The following DNAH2 variants were observed in gnomAD, a reference collection of about 807,000 sequenced individuals.
The protein encoded by DNAH2 is axonemal beta dynein heavy chain 2.
A neutral mutation model predicts 523.5 loss-of-function variants in DNAH2; 323 were observed. The ratio of observed to expected loss-of-function variants is 0.62; its 90% CI spans 0.56 to 0.68. The LOEUF (loss-of-function observed/expected upper bound fraction) is 0.68. Among genes scored for constraint, DNAH2 ranks in the 30% least tolerant of loss-of-function variants. DNAH2 has a pLI of 0.00. For synonymous variants in DNAH2, 2,093 were observed against 2,177.4 expected, an observed-to-expected ratio of 0.96 and a Z score of 1.08; for missense variants, 4,907 against 5,701.5, an observed-to-expected ratio of 0.86 and a Z score of 4.49.
intron 57 of DNAH2, 77 bp from the exon 58 acceptor site, chr17:7,801,801 C>A: frequency 6.2e-7 from 1 of 1,609,588 alleles, no homozygotes; most frequent in Non-Finnish European, 8.5e-7. Context: ...TCTCTCCTTC[C>A]CGCCTCTCAT....
Position 7,796,661 on chromosome 17 carries a change from C to T in DNAH2, c.7863+9C>T, listed in dbSNP as rs773414608. 1.8e-5 allele frequency: 29 copies of T among 1,607,222 alleles called. No homozygotes were observed. Among genetic ancestry groups the T allele is most frequent in the East Asian group, 1.3e-4 (6 of 44,640 alleles). Reference sequence around the variant, plus strand: ...TTCGAGACATCTCCAAGGTGACTCGCGGCCTGACCTTGCCCCTTCTGCTTG... The same window carrying T: ...TTCGAGACATCTCCAAGGTGACTCGTGGCCTGACCTTGCCCCTTCTGCTTG... On this transcript the variant is annotated intron_variant, in intron 50 of 85. Transcript: ENST00000572933.
rs1293379611 is a variant in DNAH2, at chr17:7,770,253, C to T, written c.3943C>T (p.His1315Tyr). ...DLRNPALRER[H>Y]WDQVRDEIQR... is the part of the protein sequence containing the mutation. ...ACACCCTCCTGTTCCTGGCTGCAGG[C>T]ACTGGGACCAGGTCCGGGATGAGAT... The change falls in exon 25 of 86, where the codon CAC becomes TAC. Residue 1315 changes from histidine (H) to tyrosine (Y), a missense_variant and splice_region_variant. By Grantham distance (83) the His-to-Tyr change is moderately conservative. Coordinates refer to ENST00000572933, the MANE Select transcript of DNAH2 (RefSeq NM_020877.5). The T allele has an allele frequency of 1.9e-6, 3 of 1,600,812 alleles. No homozygotes were observed. The South Asian group carries it at 3.4e-5, about 18-fold the overall frequency.
chr17:7,728,520 G>A (rs544712859), intron 4 of DNAH2, among the ~76,000 whole-genome samples: 88 of 152,158 alleles, frequency 5.8e-4, no homozygotes, highest in African/African-American at 2.0e-3. Context: ...GATTTCATTC[G>A]CAAAAGGAAC....
In DNAH2 at chr17:7,832,615, C is replaced by T. The variant is rs1317606600; in HGVS notation, c.12763C>T (p.Arg4255Trp). The change falls in exon 83 of 86, where the codon CGG becomes TGG. Residue 4255 changes from arginine (R) to tryptophan (W), a missense_variant. Physicochemically the swap from Arg to Trp is moderately radical, Grantham distance 101 (BLOSUM62 -3). Transcript: ENST00000572933. This position sits in a 1 kb window ranked among gnomAD's most constrained non-coding sequence, Gnocchi z 4.3. ...ACAAAAGCCATTGGCTGCCTGGACCCGGGACTTGGCCATGCGTGTGGAGCA... is the reference window on the plus strand; with the variant it reads ...ACAAAAGCCATTGGCTGCCTGGACCTGGGACTTGGCCATGCGTGTGGAGCA... The part of the protein sequence containing the change: ...PSQKPLAAWT[R>W]DLAMRVEQFE... 5.6e-6 allele frequency: 9 copies of T among 1,614,040 alleles called. No homozygotes were observed. Among genetic ancestry groups the T allele is most frequent in the Middle Eastern group, 3.3e-4 (2 of 6,084 alleles).
rs1258254505 is a variant in DNAH2, at chr17:7,763,912, C to G, written c.3060C>G (p.Leu1020=). 6.2e-7 allele frequency: 1 copy of G among 1,614,098 alleles called. No individual in the cohort carries two copies. The highest frequency in any genetic ancestry group is 8.5e-7 in the Non-Finnish European group (1 of 1,180,048). Residue 1020 remains leucine (L), a synonymous_variant, in exon 19 of 86, where the codon CTC becomes CTG. Coordinates refer to ENST00000572933, the MANE Select transcript of DNAH2 (RefSeq NM_020877.5). ...IQFVLLDCSH[L]KFSLVQHCNE... The stretch of plus-strand genomic sequence containing the variant: ...TTGTGCTGCTGGACTGTTCGCACCT[C>G]AAGTTCTCCCTGGTGCAGCACTGCA...
chr17:7,823,466 G>T lies in DNAH2; in HGVS notation c.11167G>T (p.Asp3723Tyr). Reference protein sequence around the residue: ...GVVLDREGQMDNPCSSWLADA... With the variant: ...GVVLDREGQMYNPCSSWLADA... ...GGTCTTGGATCGGGAGGGCCAAATG[G>T]ACAATCCATGTAGTAGCTGGCTTGC... Residue 3723 changes from aspartate (D) to tyrosine (Y), a missense_variant, in exon 74 of 86, where the codon GAC becomes TAC. This residue lies in a region of DNAH2 where 1,851 missense variants were observed against 2,139.4 expected (regional missense o/e 0.87). Coordinates refer to ENST00000572933, the MANE Select transcript of DNAH2 (RefSeq NM_020877.5). 1 of 1,613,836 alleles carries T rather than the reference G, an allele frequency of 6.2e-7. No individual in the cohort carries two copies. Among genetic ancestry groups the T allele is most frequent in the Non-Finnish European group, 8.5e-7 (1 of 1,179,958 alleles).
intron 18 of DNAH2, among the ~76,000 whole-genome samples, chr17:7,762,609 C>A (rs138080224): frequency 1.3e-5 from 2 of 152,058 alleles, no homozygotes; most frequent in Admixed American, 1.3e-4. Context: ...GCTGGGATTA[C>A]GGGCCTGAGC....
rs1354836442 is a variant in DNAH2 at position 7,819,421 on chromosome 17, C to T, written c.11015+13C>T. On this transcript the variant is annotated intron_variant, in intron 72 of 85. Transcript: ENST00000572933. Reference sequence around the variant, plus strand: ...ACGCTGTCTACAGGTCTGAGGGTGCCCCCAACATGCCCCAGCCCGGAGGCC... The same window carrying T: ...ACGCTGTCTACAGGTCTGAGGGTGCTCCCAACATGCCCCAGCCCGGAGGCC... The T allele has an allele frequency of 6.2e-7, 1 of 1,613,952 alleles. No individual in the cohort carries two copies. The highest frequency in any genetic ancestry group is 1.1e-5 in the South Asian group (1 of 91,082).
intron 39 of DNAH2, among the ~76,000 whole-genome samples, chr17:7,783,688 T>C (rs1220144552): frequency 6.6e-6 from 1 of 151,360 alleles, no homozygotes; most frequent in East Asian, 1.9e-4. Flanking sequence ...GTCTCAGCTA[T>C]TGGGAGGGCT....
At position 7,818,670 on chromosome 17, in the gene DNAH2, G is replaced by A. The variant is rs201086789; in HGVS notation, c.10564G>A (p.Val3522Met). 7.0e-5 allele frequency: 113 copies of A among 1,613,960 alleles called. No individual in the cohort carries two copies. Among genetic ancestry groups the A allele is most frequent in the Non-Finnish European group, 3.1e-5 (36 of 1,180,020 alleles). Residue 3522 changes from valine (V) to methionine (M), a missense_variant, in exon 70 of 86, where the codon GTG (valine) becomes ATG (methionine). Coordinates refer to ENST00000572933, the MANE Select transcript of DNAH2 (RefSeq NM_020877.5). ...QGLEAQLLGI[V>M]VRKERPELEE... ...CCTGGAGGCCCAGCTGCTGGGCATT[G>A]TGGTGCGGAAGGAGCGGCCTGAGCT... is the stretch of plus-strand genomic sequence containing the variant.
chr17:7,819,316 C>A lies in DNAH2; in HGVS notation c.10923C>A (p.Leu3641=), dbSNP rs987499917. Residue 3641 remains leucine (L), a synonymous_variant, in exon 72 of 86, where the codon CTC becomes CTA. Coordinates refer to ENST00000572933, the MANE Select transcript of DNAH2 (RefSeq NM_020877.5). ...YQFSLDAYIS[L]FILSIDKSHR... Reference sequence around the variant, plus strand: ...TCTCACTGGATGCCTACATCAGCCTCTTTATTCTCAGCATTGACAAAAGCC... The same window carrying A: ...TCTCACTGGATGCCTACATCAGCCTATTTATTCTCAGCATTGACAAAAGCC... 1 of 1,614,246 alleles carries A rather than the reference C, an allele frequency of 6.2e-7. No homozygotes were observed. Among genetic ancestry groups the A allele is most frequent in the Non-Finnish European group, 8.5e-7 (1 of 1,180,046 alleles).
chr17:7,817,241 C>A, intron 64 of DNAH2, 49 bp from the exon 65 acceptor site: 3 of 1,567,474 alleles, frequency 1.9e-6, no homozygotes, highest in Non-Finnish European at 2.6e-6. Context: ...CCAAGTGTCT[C>A]CCAGAGTGCT....
chr17:7,760,118 A>C lies in DNAH2; in HGVS notation c.2785+180A>C, dbSNP rs2075963782. Among the ~76,000 whole-genome samples the C allele has an allele frequency of 6.6e-6, 1 of 152,208 alleles. No individual in the cohort carries two copies. Among genetic ancestry groups the C allele is most frequent in the Non-Finnish European group, 1.5e-5 (1 of 68,030 alleles). ...CACAGTGGCTTGTGCCTGTAATCCC[A>C]GCACTTTGGGAGGCTGAGGCAGGCA... On this transcript the variant is annotated intron_variant, in intron 17 of 85. Coordinates refer to ENST00000572933, the MANE Select transcript of DNAH2 (RefSeq NM_020877.5). The surrounding 1 kb of genome is among the most constrained non-coding windows in gnomAD (Gnocchi z 4.0).
intron 12 of DNAH2, among the ~76,000 whole-genome samples, chr17:7,753,156 G>C (rs1239653676): frequency 6.6e-6 from 1 of 152,232 alleles, no homozygotes; most frequent in Non-Finnish European, 1.5e-5. Flanking sequence ...TTGGATGTCG[G>C]AAAGTAAGGC....
At chr17:7,743,912 G>A (rs2075436693) in intron 12 of DNAH2, 2 of 152,512 alleles carry the variant, frequency 1.3e-5, no homozygotes, top group South Asian at 4.1e-4. Context: ...CCTTCCATGT[G>A]TCAGGAACTG....
At chr17:7,736,513 C>T (rs531126861) in intron 7 of DNAH2, among the ~76,000 whole-genome samples, 1 of 152,136 alleles carries the variant, frequency 6.6e-6, no homozygotes, top group East Asian at 1.9e-4. Flanking sequence ...AATCTAGACT[C>T]GAGGGAATTC....
At chr17:7,829,030 A>AT (rs527963401) in intron 77 of DNAH2, among the ~76,000 whole-genome samples, 23,336 of 143,002 alleles carry the variant, frequency 0.16, 2,072 homozygotes, top group East Asian at 0.4. Context: ...TATTATTATT[A>AT]TTTTTTTTTT....
chr17:7,805,480 G>T, intron 61 of DNAH2, 87 bp downstream of exon 61: 1 of 1,570,738 alleles, frequency 6.4e-7, no homozygotes, highest in Non-Finnish European at 8.7e-7. Flanking sequence ...AGAAAGATAG[G>T]GATGGATGAG....
At chr17:7,783,098 A>G (rs1042476260) in intron 39 of DNAH2, among the ~76,000 whole-genome samples, 4 of 152,026 alleles carry the variant, frequency 2.6e-5, no homozygotes, top group African/African-American at 9.7e-5. Flanking sequence ...TTTTTTTGAG[A>G]TGGAGTTTCA....
Sources: allele counts gnomAD v4.1 joint callset (sites outside exome capture counted in the v4.1 genomes callset), GRCh38; gene constraint gnomAD v4.1.1; regional missense constraint gnomAD v4.1.1; non-coding constraint Gnocchi (gnomAD v3.1); transcripts MANE v1.5; gene names NCBI Gene and HGNC (gene_info 2026-07-23, HGNC 2026-07-21).